Variants in IQGAP2 observed in about 807,000 individuals in gnomAD.
The protein encoded by IQGAP2 is IQ motif containing GTPase activating protein 2.
IQGAP2 carries 173 observed loss-of-function variants against 201.3 expected under a neutral mutation model. That is an observed-to-expected ratio of 0.86 (90% CI 0.76 to 0.98). The LOEUF is 0.98. Among genes scored for constraint, IQGAP2 ranks in the 50% least tolerant of loss-of-function variants. The probability of loss-of-function intolerance (pLI) is 0.00; values close to 1 mark genes in which losing one functional copy is unlikely to be tolerated. For synonymous variants in IQGAP2, 675 were observed against 673.9 expected, an observed-to-expected ratio of 1.00 and a Z score of -0.03; for missense variants, 1,687 against 1,864.8, an observed-to-expected ratio of 0.90 and a Z score of 1.76.
At chr5:76,583,365 C>T (rs1185464180) in intron 5 of IQGAP2, among the ~76,000 whole-genome samples, 1 of 151,950 alleles carries the variant, frequency 6.6e-6, no homozygotes, top group East Asian at 1.9e-4. Context: ...ACCTCCCACA[C>T]AGAGATTAGG....
chr5:76,645,361 C>T (rs1313361549), intron 17 of IQGAP2, among the ~76,000 whole-genome samples: 1 of 152,150 alleles, frequency 6.6e-6, no homozygotes, highest in Non-Finnish European at 1.5e-5. Flanking sequence ...TGGGTACATA[C>T]CCAGTAATGG....
intron 13 of IQGAP2, chr5:76,623,344 G>C (rs1749899009): frequency 7.6e-7 from 1 of 1,310,240 alleles, no homozygotes; most frequent in South Asian, 1.3e-5. Context: ...TCTGTCTGTA[G>C]AAGTTTGCTC....
intron 1 of IQGAP2, among the ~76,000 whole-genome samples, chr5:76,456,201 A>T (rs943141010): frequency 1.3e-5 from 2 of 152,152 alleles, no homozygotes; most frequent in African/African-American, 4.8e-5. Context: ...GCCTGTGCTC[A>T]GTGTCTCATA....
intron 1 of IQGAP2, among the ~76,000 whole-genome samples, chr5:76,422,289 T>C (rs188881498): frequency 1.3e-5 from 2 of 152,290 alleles, no homozygotes; most frequent in Non-Finnish European, 2.9e-5. Flanking sequence ...GTGTTGATAA[T>C]TTTTATAGAT....
At chr5:76,617,919 A>T (rs1408764901) in intron 13 of IQGAP2, 3 of 1,614,020 alleles carry the variant, frequency 1.9e-6, no homozygotes, top group Non-Finnish European at 2.5e-6. Context: ...CAAGGAGATG[A>T]AGTAATAGAG....
chr5:76,485,958 A>C (rs953672549), intron 2 of IQGAP2, among the ~76,000 whole-genome samples: 3 of 152,154 alleles, frequency 2.0e-5, no homozygotes, highest in Non-Finnish European at 4.4e-5. Flanking sequence ...TCCTCAGCAC[A>C]TACAATTTTT....
chr5:76,566,895 GT>G, intron 3 of IQGAP2, among the ~76,000 whole-genome samples: 1 of 152,062 alleles, frequency 6.6e-6, no homozygotes, highest in African/African-American at 2.4e-5. Flanking sequence ...GGCCAGGAAG[GT>G]TTCCATGGTG....
At chr5:76,674,856 G>A (rs755741862) in intron 27 of IQGAP2, 147 bp downstream of exon 27, 399 of 641,644 alleles carry the variant, frequency 6.2e-4, no homozygotes, top group Non-Finnish European at 9.4e-4. Context: ...GGGGAAAGAG[G>A]AGAGAGGGAA....
intron 8 of IQGAP2, among the ~76,000 whole-genome samples, chr5:76,592,024 T>C (rs560348712): frequency 3.9e-5 from 6 of 152,320 alleles, no homozygotes; most frequent in African/African-American, 1.4e-4. Context: ...CTCACCAGTC[T>C]TGCCTCAGTC....
intron 2 of IQGAP2, among the ~76,000 whole-genome samples, chr5:76,467,609 A>G (rs1162023296): frequency 6.6e-6 from 1 of 152,244 alleles, no homozygotes; most frequent in Non-Finnish European, 1.5e-5. Flanking sequence ...CAGAGTTACC[A>G]TATGACCCAG....
chr5:76,696,647 A>G (rs10036196), intron 32 of IQGAP2, among the ~76,000 whole-genome samples: 49,908 of 151,986 alleles, frequency 0.33, 8,339 homozygotes, highest in Non-Finnish European at 0.35. Flanking sequence ...TTGATAGAAA[A>G]TTATGTTCAA....
At chr5:76,552,692 C>T (rs1336096588) in intron 2 of IQGAP2, among the ~76,000 whole-genome samples, 1 of 152,176 alleles carries the variant, frequency 6.6e-6, no homozygotes, top group Non-Finnish European at 1.5e-5. Flanking sequence ...TGTCTAAAAT[C>T]TCACTAGAAT....
intron 21 of IQGAP2, among the ~76,000 whole-genome samples, chr5:76,662,989 A>G (rs964408179): frequency 5.3e-5 from 8 of 152,242 alleles, no homozygotes; most frequent in African/African-American, 1.9e-4. Flanking sequence ...AGATGTAGCC[A>G]CATGGAACTG....
At chr5:76,600,500 T>A (rs1580563470) in intron 10 of IQGAP2, among the ~76,000 whole-genome samples, 1 of 152,224 alleles carries the variant, frequency 6.6e-6, no homozygotes, top group South Asian at 2.1e-4. Context: ...CTTAATTATA[T>A]GGCTGGACTG....
At chr5:76,421,288 T>C (rs1418143814) in intron 1 of IQGAP2, among the ~76,000 whole-genome samples, 1 of 152,104 alleles carries the variant, frequency 6.6e-6, no homozygotes, top group Admixed American at 6.6e-5. Flanking sequence ...TCATCTTTTC[T>C]TCACACGAGA....
chr5:76,677,190 G>T, intron 27 of IQGAP2, 28 bp from the exon 28 acceptor site: 1 of 1,606,816 alleles, frequency 6.2e-7, no homozygotes, highest in Non-Finnish European at 8.5e-7. Flanking sequence ...GTTTGAGTCT[G>T]TCTTAAGACT....
intron 13 of IQGAP2, chr5:76,618,205 C>T (rs1354671670): frequency 6.2e-7 from 1 of 1,613,988 alleles, no homozygotes; most frequent in Non-Finnish European, 8.5e-7. Flanking sequence ...ACTGTGGTGG[C>T]CCGGCACAGG....
intron 9 of IQGAP2, among the ~76,000 whole-genome samples, chr5:76,595,281 G>T (rs1746945146): frequency 1.9e-5 from 2 of 103,046 alleles, no homozygotes; most frequent in Non-Finnish European, 1.9e-5. Flanking sequence ...TCCGGACAGG[G>T]TCTTATTCTA....
intron 13 of IQGAP2, among the ~76,000 whole-genome samples, chr5:76,620,323 G>A (rs1223913070): frequency 6.6e-6 from 1 of 152,044 alleles, no homozygotes; most frequent in African/African-American, 2.4e-5. Flanking sequence ...TGGAAAGGCA[G>A]AGGCGAACAC....
Sources: gnomAD v4.1 joint callset for allele counts (sites outside exome capture counted in the v4.1 genomes callset) on GRCh38, gnomAD v4.1.1 for gene constraint, MANE v1.5 for transcripts, NCBI Gene and HGNC (gene_info 2026-07-23, HGNC 2026-07-21) for gene names.